Variants in ENOX1 observed in about 807,000 individuals in gnomAD.
ENOX1 encodes candidate growth-related and time keeping constitutive hydroquinone (NADH) oxidase.
Under a neutral mutation model 82.5 loss-of-function variants are expected in ENOX1, and 42 were observed. That is an observed-to-expected ratio of 0.51 (90% CI 0.40 to 0.66). ENOX1 has a LOEUF of 0.66. ENOX1 is among the 30% of genes least tolerant of loss of function. ENOX1 has a pLI of 0.00. For missense variants in ENOX1, 608 were observed against 811.6 expected, an observed-to-expected ratio of 0.75 and a Z score of 3.05; for synonymous variants, 271 against 282.2, an observed-to-expected ratio of 0.96 and a Z score of 0.40.
chr13:43,274,984 T>C (rs2044920802), intron 12 of ENOX1, among the ~76,000 whole-genome samples: 2 of 152,202 alleles, frequency 1.3e-5, no homozygotes, highest in East Asian at 1.9e-4. Context: ...CATGGGCACA[T>C]AGAGATTAAG....
intron 1 of ENOX1, among the ~76,000 whole-genome samples, chr13:43,779,884 T>C (rs149951698): frequency 0.014 from 2,102 of 152,172 alleles, 28 homozygotes; most frequent in African/African-American, 0.033. Flanking sequence ...AGGCCGGGCG[T>C]GGTGGCTCAC....
At chr13:43,778,677 T>C (rs1298302808) in intron 1 of ENOX1, among the ~76,000 whole-genome samples, 4 of 152,254 alleles carry the variant, frequency 2.6e-5, no homozygotes, top group Non-Finnish European at 5.9e-5. Flanking sequence ...CTTCCTTTAA[T>C]GATCTGATAG....
intron 13 of ENOX1, among the ~76,000 whole-genome samples, chr13:43,268,911 A>G (rs1424010548): frequency 6.6e-6 from 1 of 152,204 alleles, no homozygotes; most frequent in Non-Finnish European, 1.5e-5. Context: ...GCTGTAAGAC[A>G]ATACTTTCCA....
At chr13:43,333,091 T>G (rs1266364481) in intron 9 of ENOX1, among the ~76,000 whole-genome samples, 1 of 152,234 alleles carries the variant, frequency 6.6e-6, no homozygotes, top group Non-Finnish European at 1.5e-5. Flanking sequence ...ACTTAATATA[T>G]CTTGGAAATC....
chr13:43,504,532 G>A (rs1018769867), intron 2 of ENOX1, among the ~76,000 whole-genome samples: 1 of 151,740 alleles, frequency 6.6e-6, no homozygotes, highest in African/African-American at 2.4e-5. Context: ...GGATGAATCT[G>A]GAAGACATTA....
rs142896340 is a variant in ENOX1, at chr13:43,601,618, T to C, written c.-219+65861A>G. On this transcript the variant is annotated intron_variant, in intron 2 of 16. Transcript: ENST00000690772. ...AAGAAGAGGTAGAGAGAAAGAGAGATAGGGGTAGCAAGTTTATCCAAAGGG... is the reference window on the plus strand; with the variant it reads ...AAGAAGAGGTAGAGAGAAAGAGAGACAGGGGTAGCAAGTTTATCCAAAGGG... Among the ~76,000 whole-genome samples the C allele has an allele frequency of 4.3e-4, 65 of 152,080 alleles. 1 individual carries two copies. The East Asian group carries it at 0.011, about 25-fold the overall frequency.
chr13:43,222,613 G>C (rs1593408567), intron 16 of ENOX1, among the ~76,000 whole-genome samples: 1 of 152,210 alleles, frequency 6.6e-6, no homozygotes, highest in Non-Finnish European at 1.5e-5. Context: ...CAGTACAAGG[G>C]AAGGATGGTA....
chr13:43,672,025 A>C (rs1425096800), intron 1 of ENOX1, among the ~76,000 whole-genome samples: 3 of 152,228 alleles, frequency 2.0e-5, no homozygotes, highest in African/African-American at 7.2e-5. Flanking sequence ...TTTACCATTC[A>C]TACCATTGAC....
intron 15 of ENOX1, among the ~76,000 whole-genome samples, chr13:43,235,373 A>C (rs2042484838): frequency 6.6e-6 from 1 of 152,188 alleles, no homozygotes; most frequent in Admixed American, 6.5e-5. Context: ...TTAATTCCTC[A>C]TGTGCCAGCT....
intron 14 of ENOX1, among the ~76,000 whole-genome samples, chr13:43,264,963 C>G (rs2044284814): frequency 6.6e-6 from 1 of 152,182 alleles, no homozygotes; most frequent in Non-Finnish European, 1.5e-5. Flanking sequence ...ATTTCAAGGG[C>G]TATTCTGAGA....
intron 2 of ENOX1, among the ~76,000 whole-genome samples, chr13:43,592,734 C>T (rs1056122194): frequency 3.3e-5 from 5 of 152,140 alleles, no homozygotes; most frequent in African/African-American, 1.2e-4. Flanking sequence ...GCCAATTTAA[C>T]TTAACTGCAT....
intron 7 of ENOX1, 25 bp from the exon 8 acceptor site, chr13:43,356,177 A>G: frequency 6.2e-7 from 1 of 1,608,848 alleles, no homozygotes; most frequent in Non-Finnish European, 8.5e-7. Flanking sequence ...AACTCTGGTC[A>G]CACCATAATG....
chr13:43,690,727 T>C (rs565600068), intron 1 of ENOX1, among the ~76,000 whole-genome samples: 42 of 152,324 alleles, frequency 2.8e-4, no homozygotes, highest in African/African-American at 9.6e-4. Context: ...GCTACTTTTA[T>C]AGGGTCATCA....
chr13:43,460,317 T>A (rs1372516302), intron 3 of ENOX1, among the ~76,000 whole-genome samples: 1 of 152,208 alleles, frequency 6.6e-6, no homozygotes. Context: ...TGCTAAGGTT[T>A]TAAAGTGTTC....
chr13:43,304,297 C>T (rs2046745014), intron 11 of ENOX1, among the ~76,000 whole-genome samples: 2 of 152,270 alleles, frequency 1.3e-5, no homozygotes, highest in African/African-American at 2.4e-5. Flanking sequence ...ATCCTTTCAC[C>T]ATCATGAAAA....
At chr13:43,289,128 A>C (rs1334676152) in intron 12 of ENOX1, among the ~76,000 whole-genome samples, 1 of 152,228 alleles carries the variant, frequency 6.6e-6, no homozygotes, top group African/African-American at 2.4e-5. Flanking sequence ...CAATGTCATA[A>C]CAATGTTCAT....
chr13:43,725,862 G>A (rs2088911776), intron 1 of ENOX1, among the ~76,000 whole-genome samples: 2 of 151,838 alleles, frequency 1.3e-5, no homozygotes, highest in East Asian at 1.9e-4. Context: ...AGCTACTCAG[G>A]AGGCTGAGAC....
In ENOX1 at chr13:43,588,410, C is replaced by T. The variant is rs1006559903; in HGVS notation, c.-219+79069G>A. Among the ~76,000 whole-genome samples the T allele has an allele frequency of 2.2e-4, 34 of 152,274 alleles. No individual in the cohort carries two copies. In the South Asian group the frequency reaches 2.5e-3, roughly 11 times the overall value. On this transcript the variant is annotated intron_variant, in intron 2 of 16. Transcript: ENST00000690772. ...TAATGACAATCAGTAATCGTCATAA[C>T]GCTTACAACAATCTACTTTTTCCCT...
At chr13:43,541,173 G>GTTTTTTTTTTT (rs553504525) in intron 2 of ENOX1, among the ~76,000 whole-genome samples, 3 of 64,580 alleles carry the variant, frequency 4.6e-5, no homozygotes, top group Admixed American at 1.7e-4. Context: ...TCTTCCCTCT[G>GTTTTTTTTTTT]TTTTTTTTTT....
Sources: gnomAD v4.1 joint callset for allele counts (sites outside exome capture counted in the v4.1 genomes callset) on GRCh38, gnomAD v4.1.1 for gene constraint, MANE v1.5 for transcripts, NCBI Gene and HGNC (gene_info 2026-07-23, HGNC 2026-07-21) for gene names.